P2RY8: variants seen among roughly 807,000 people sequenced by gnomAD.
P2RY8 encodes the protein P2Y receptor family member 8, also known as S-geranylgeranyl-glutathione receptor P2RY8.
P2RY8 carries 6 observed loss-of-function variants against 10.0 expected under a neutral mutation model. The observed-to-expected ratio is 0.60, with a 90% CI of 0.33 to 1.19. P2RY8 has a LOEUF of 1.19. Among genes scored for constraint, P2RY8 ranks in the 50% most tolerant of loss-of-function variants. P2RY8 has a pLI of 0.04. For missense variants in P2RY8, 456 were observed against 542.0 expected (o/e 0.84, Z 1.58); for synonymous variants, 276 against 252.5 (o/e 1.09, Z -0.88).
chrX:1,469,390 T>C (rs1401905546), intron 1 of P2RY8, among the ~76,000 whole-genome samples: 2 of 151,684 alleles, frequency 1.3e-5, no homozygotes, highest in Non-Finnish European at 2.9e-5. Context: ...TGGTCTTGAA[T>C]TCCTGACCTC....
chrX:1,524,581 C>G (rs1468926563), intron 1 of P2RY8, among the ~76,000 whole-genome samples: 1 of 142,176 alleles, frequency 7.0e-6, no homozygotes, highest in African/African-American at 2.6e-5. Context: ...ATCCATCCAT[C>G]CATCCATCCA....
intron 1 of P2RY8, among the ~76,000 whole-genome samples, chrX:1,527,726 C>T (rs1353513994): frequency 2.0e-5 from 3 of 152,036 alleles, no homozygotes; most frequent in Non-Finnish European, 4.4e-5. Context: ...TCCATCCATC[C>T]ATCCATTCAT....
chrX:1,467,877 CTA>C (rs1181129434), intron 1 of P2RY8, among the ~76,000 whole-genome samples: 21 of 151,832 alleles, frequency 1.4e-4, no homozygotes, highest in Non-Finnish European at 2.4e-4. Flanking sequence ...CAGAGTTTTG[CTA>C]TGTTTCCCAG....
chrX:1,512,878 G>C (rs1177866794), intron 1 of P2RY8, among the ~76,000 whole-genome samples: 10 of 151,978 alleles, frequency 6.6e-5, no homozygotes, highest in Middle Eastern at 3.4e-3. Context: ...TTTACTTTAA[G>C]TTGTGAGATA....
intron 1 of P2RY8, among the ~76,000 whole-genome samples, chrX:1,529,240 A>G (rs34095909): frequency 0.095 from 14,470 of 152,126 alleles, 888 homozygotes; most frequent in Non-Finnish European, 0.14. Flanking sequence ...TACTTACTTT[A>G]TTATAGTAAC....
At chrX:1,503,311 G>T (rs1351744747) in intron 1 of P2RY8, among the ~76,000 whole-genome samples, 3 of 152,144 alleles carry the variant, frequency 2.0e-5, no homozygotes, top group Non-Finnish European at 2.9e-5. Flanking sequence ...AATTCCTGTT[G>T]TCGAACTCCC....
chrX:1,532,364 C>T (rs2092482009), intron 1 of P2RY8, among the ~76,000 whole-genome samples: 1 of 147,600 alleles, frequency 6.8e-6, no homozygotes, highest in Admixed American at 6.8e-5. Flanking sequence ...TATATATACA[C>T]ATATACGTAT....
intron 1 of P2RY8, among the ~76,000 whole-genome samples, chrX:1,526,506 A>G (rs1249116860): frequency 1.3e-5 from 2 of 151,814 alleles, no homozygotes; most frequent in Non-Finnish European, 1.5e-5. Context: ...CCATCCATTC[A>G]GTCATCCATG....
At chrX:1,517,631 G>A (rs1239159405) in intron 1 of P2RY8, among the ~76,000 whole-genome samples, 1 of 152,190 alleles carries the variant, frequency 6.6e-6, no homozygotes, top group Non-Finnish European at 1.5e-5. Context: ...CGGCAGAGAA[G>A]AAGCCTGGTG....
chrX:1,503,932 CT>C (rs1206524895), intron 1 of P2RY8, among the ~76,000 whole-genome samples: 2 of 151,836 alleles, frequency 1.3e-5, no homozygotes, highest in Non-Finnish European at 2.9e-5. Context: ...TGCTTTGTCG[CT>C]GTTCTGGAGG....
chrX:1,515,298 C>T (rs1292643205), intron 1 of P2RY8, among the ~76,000 whole-genome samples: 12 of 151,838 alleles, frequency 7.9e-5, no homozygotes, highest in African/African-American at 2.9e-4. Context: ...GCAATTCACC[C>T]ATCTACAGTT....
chrX:1,509,095 C>CTATT (rs1430108419), intron 1 of P2RY8, among the ~76,000 whole-genome samples: 2 of 137,796 alleles, frequency 1.5e-5, no homozygotes, highest in African/African-American at 5.4e-5. Context: ...ATCTATGTAT[C>CTATT]TATGTATCTA....
intron 1 of P2RY8, among the ~76,000 whole-genome samples, chrX:1,517,460 T>G (rs1350110984): frequency 6.6e-6 from 1 of 152,168 alleles, no homozygotes. Context: ...CTGTGTGCCT[T>G]GTGGGCAGTC....
chrX:1,494,306 C>T (rs5989755), intron 1 of P2RY8: 147,262 of 152,292 alleles, frequency 0.97, 71,380 homozygotes, highest in East Asian at 1. Flanking sequence ...GCCTGCACCG[C>T]ACCTTGAGAC....
chrX:1,513,807 T>C lies in P2RY8; in HGVS notation c.-25+23114A>G, dbSNP rs1202373141. ...AGCTCCTGGGGGCTCCAGGCGTCCCTGGGCTTGTGGCCCCATCACTCCAGT... is the reference window on the plus strand; with the variant it reads ...AGCTCCTGGGGGCTCCAGGCGTCCCCGGGCTTGTGGCCCCATCACTCCAGT... On this transcript the variant is annotated intron_variant, in intron 1 of 1. Coordinates refer to ENST00000381297, the MANE Select transcript of P2RY8 (RefSeq NM_178129.5). Among the ~76,000 whole-genome samples, 26 of 151,736 alleles carry C rather than the reference T, an allele frequency of 1.7e-4. No individual in the cohort carries two copies. The East Asian group carries it at 4.7e-3, about 27-fold the overall frequency.
chrX:1,485,775 A>G (rs2091981409), intron 1 of P2RY8, among the ~76,000 whole-genome samples: 1 of 149,222 alleles, frequency 6.7e-6, no homozygotes, highest in Non-Finnish European at 1.5e-5. Flanking sequence ...TGTTATATAT[A>G]ATTTGTGTAT....
chrX:1,485,482 A>G (rs1441916860), intron 1 of P2RY8, among the ~76,000 whole-genome samples: 2 of 152,034 alleles, frequency 1.3e-5, no homozygotes, highest in Non-Finnish European at 2.9e-5. Flanking sequence ...ATGTGTACAC[A>G]TTAAATTAAA....
chrX:1,495,685 A>G (rs1418738348), intron 1 of P2RY8, among the ~76,000 whole-genome samples: 1 of 127,100 alleles, frequency 7.9e-6, no homozygotes, highest in Non-Finnish European at 1.8e-5. Context: ...AGACACATAC[A>G]GAGAGATGAC....
chrX:1,508,137 C>T (rs747397772), intron 1 of P2RY8, among the ~76,000 whole-genome samples: 1 of 152,334 alleles, frequency 6.6e-6, no homozygotes, highest in African/African-American at 2.4e-5. Context: ...TCACAACAGA[C>T]TCTGATGTTC....
Sources: gnomAD v4.1 joint callset for allele counts (sites outside exome capture counted in the v4.1 genomes callset) on GRCh38, gnomAD v4.1.1 for gene constraint, MANE v1.5 for transcripts, NCBI Gene and HGNC (gene_info 2026-07-23, HGNC 2026-07-21) for gene names.